The following AKAP6 variants were observed in gnomAD, a reference collection of about 807,000 sequenced individuals.
AKAP6 encodes the protein A-kinase anchoring protein 6.
A neutral mutation model predicts 188.5 loss-of-function variants in AKAP6; 58 were observed. That is an observed-to-expected ratio of 0.31 (90% CI 0.25 to 0.38). The LOEUF (loss-of-function observed/expected upper bound fraction) is 0.38. Ranked by LOEUF, AKAP6 falls within the 10% of genes least tolerant of loss-of-function variation. The pLI, the probability that AKAP6 is intolerant of heterozygous loss-of-function variation, is 1.00. For synonymous variants in AKAP6, 989 were observed against 998.6 expected (o/e 0.99, Z 0.18); for missense variants, 2,710 against 2,740.0 (o/e 0.99, Z 0.24).
chr14:32,745,498 TCTCTCTCTCTCTCTC>T (rs1354746681), intron 11 of AKAP6, among the ~76,000 whole-genome samples: 7 of 107,216 alleles, frequency 6.5e-5, no homozygotes, highest in Admixed American at 9.6e-5. Flanking sequence ...TCTCTCTCTG[TCTCTCTCTCTCTCTC>T]TCTCTGTCTG....
At chr14:32,819,110 C>T (rs540631541) in intron 12 of AKAP6, among the ~76,000 whole-genome samples, 25 of 152,142 alleles carry the variant, frequency 1.6e-4, no homozygotes, top group East Asian at 3.9e-4. Flanking sequence ...GAATGTACTC[C>T]GTACCTAAGC....
intron 4 of AKAP6, among the ~76,000 whole-genome samples, chr14:32,547,477 C>CT (rs1207525833): frequency 2.6e-5 from 4 of 152,024 alleles, no homozygotes; most frequent in South Asian, 4.2e-4. Context: ...TATTAGGGAT[C>CT]TTTTTTTTCT....
At chr14:32,390,864 A>G (rs142187422) in intron 1 of AKAP6, among the ~76,000 whole-genome samples, 1,585 of 152,222 alleles carry the variant, frequency 0.01, 11 homozygotes, top group Non-Finnish European at 0.018. Flanking sequence ...GCAAGCCTCC[A>G]TATGCTGCTC....
chr14:32,567,993 G>A (rs1037881358), intron 4 of AKAP6, among the ~76,000 whole-genome samples: 1 of 151,840 alleles, frequency 6.6e-6, no homozygotes, highest in Non-Finnish European at 1.5e-5. Flanking sequence ...AGGAGGGGAG[G>A]GGCTGGAGAA....
intron 12 of AKAP6, among the ~76,000 whole-genome samples, chr14:32,789,884 C>T (rs2033556211): frequency 6.6e-6 from 1 of 152,162 alleles, no homozygotes; most frequent in African/African-American, 2.4e-5. Flanking sequence ...GCTGAATTGA[C>T]AGAAGTAGGC....
chr14:32,579,544 G>A (rs1884872753), intron 5 of AKAP6, among the ~76,000 whole-genome samples: 1 of 152,060 alleles, frequency 6.6e-6, no homozygotes, highest in Non-Finnish European at 1.5e-5. Context: ...AGTTACTGAA[G>A]ACCTAGTGTG....
intron 7 of AKAP6, among the ~76,000 whole-genome samples, chr14:32,605,512 C>T (rs1314757423): frequency 6.6e-6 from 1 of 152,156 alleles, no homozygotes; most frequent in East Asian, 1.9e-4. Context: ...ACAATAATTC[C>T]TCCTATGTCT....
At chr14:32,739,602 A>G (rs1432064298) in intron 11 of AKAP6, among the ~76,000 whole-genome samples, 27 of 152,048 alleles carry the variant, frequency 1.8e-4, no homozygotes, top group Admixed American at 1.8e-3. Flanking sequence ...AGAGGCCACA[A>G]ATAAGTGAGA....
chr14:32,393,939 A>G (rs1594572344), intron 1 of AKAP6, among the ~76,000 whole-genome samples: 1 of 152,184 alleles, frequency 6.6e-6, no homozygotes, highest in East Asian at 1.9e-4. Flanking sequence ...AAATGGAAAG[A>G]AATGAAAAGA....
intron 1 of AKAP6, among the ~76,000 whole-genome samples, chr14:32,330,633 T>A (rs1168189193): frequency 4.0e-5 from 6 of 151,790 alleles, no homozygotes; most frequent in Admixed American, 3.3e-4. Context: ...TGAATTCCTC[T>A]TCTTTTAGTC....
At chr14:32,337,669 C>T (rs1886752270) in intron 1 of AKAP6, among the ~76,000 whole-genome samples, 1 of 151,494 alleles carries the variant, frequency 6.6e-6, no homozygotes, top group Non-Finnish European at 1.5e-5. Flanking sequence ...TGTGCTGCAC[C>T]CATTAACTCG....
intron 11 of AKAP6, among the ~76,000 whole-genome samples, chr14:32,768,503 T>C (rs1018601357): frequency 1.4e-4 from 22 of 152,202 alleles, no homozygotes; most frequent in African/African-American, 5.3e-4. Flanking sequence ...AAAATACTAG[T>C]AACATAAAGA....
intron 9 of AKAP6, 42 bp from the exon 10 acceptor site, chr14:32,732,412 C>A (rs961126297): frequency 1.3e-6 from 2 of 1,580,548 alleles, no homozygotes; most frequent in Non-Finnish European, 1.7e-6. Flanking sequence ...TCTAAGAACA[C>A]CTCTCTCCCT....
chr14:32,795,754 A>G (rs2033748391), intron 12 of AKAP6, among the ~76,000 whole-genome samples: 1 of 152,222 alleles, frequency 6.6e-6, no homozygotes, highest in Admixed American at 6.5e-5. Context: ...CACCACTCCT[A>G]TTCAACATGG....
intron 2 of AKAP6, among the ~76,000 whole-genome samples, chr14:32,454,386 C>A (rs2138790384): frequency 6.6e-6 from 1 of 152,258 alleles, no homozygotes; most frequent in African/African-American, 2.4e-5. Context: ...TAGAACACAA[C>A]CGATGAGAAT....
intron 1 of AKAP6, among the ~76,000 whole-genome samples, chr14:32,346,658 G>A (rs866351299): frequency 1.8e-4 from 28 of 152,230 alleles, no homozygotes; most frequent in South Asian, 1.7e-3. Flanking sequence ...ACAGGGGCCC[G>A]CCACCGCGCC....
At chr14:32,404,246 GAATT>G in intron 1 of AKAP6, among the ~76,000 whole-genome samples, 1 of 152,182 alleles carries the variant, frequency 6.6e-6, no homozygotes, top group South Asian at 2.1e-4. Context: ...CTGCTGCCTG[GAATT>G]AATTCTTTCC....
chr14:32,407,451 A>T (rs981071209), intron 1 of AKAP6, among the ~76,000 whole-genome samples: 2 of 152,168 alleles, frequency 1.3e-5, no homozygotes, highest in Non-Finnish European at 2.9e-5. Context: ...CTCAGCCTCC[A>T]CAGAGCAATG....
chr14:32,362,856 G>A (rs747830837), intron 1 of AKAP6, among the ~76,000 whole-genome samples: 2 of 152,102 alleles, frequency 1.3e-5, no homozygotes, highest in Non-Finnish European at 2.9e-5. Flanking sequence ...CTGGAAGTGG[G>A]GAATGTTATA....
Sources: allele counts gnomAD v4.1 joint callset (sites outside exome capture counted in the v4.1 genomes callset), GRCh38; gene constraint gnomAD v4.1.1; transcripts MANE v1.5; gene names NCBI Gene and HGNC (gene_info 2026-07-23, HGNC 2026-07-21).